CEP97: variants seen among roughly 807,000 people sequenced by gnomAD.
The protein encoded by CEP97 is centrosomal protein 97, also known as centrosomal protein of 97 kDa.
In CEP97, 43 loss-of-function variants were observed where a neutral mutation model predicts 73.1. That is an observed-to-expected ratio of 0.59 (90% CI 0.46 to 0.76). CEP97 has a LOEUF of 0.76. Among genes scored for constraint, CEP97 ranks in the 30% least tolerant of loss-of-function variants. The pLI is 0.00. For synonymous variants in CEP97, 337 were observed against 370.0 expected, an observed-to-expected ratio of 0.91 and a Z score of 1.02; for missense variants, 939 against 1,014.0, an observed-to-expected ratio of 0.93 and a Z score of 1.00.
chr3:101,731,762 A>G, intron 4 of CEP97, 78 bp from the exon 5 acceptor site: 1 of 748,644 alleles, frequency 1.3e-6, no homozygotes, highest in Non-Finnish European at 2.4e-6. Context: ...TCTTATATGT[A>G]CCATTTTGGT....
chr3:101,742,834 C>T (rs1012280958), intron 6 of CEP97, among the ~76,000 whole-genome samples: 17 of 150,408 alleles, frequency 1.1e-4, no homozygotes, highest in Non-Finnish European at 1.9e-4. Flanking sequence ...AAGTACAGAG[C>T]GAGACTCCAT....
rs1360381172 is a variant in CEP97, at chr3:101,766,141, G to C, written c.*590G>C. The C allele has an allele frequency of 2.0e-5, 3 of 152,070 alleles. No homozygotes were observed. Among genetic ancestry groups the C allele is most frequent in the African/African-American group, 7.2e-5 (3 of 41,384 alleles). 9.4% of individuals were successfully genotyped at this position (152,070 alleles called of 1,614,324 possible). On this transcript the variant is annotated 3_prime_UTR_variant, in exon 11 of 11. Coordinates refer to ENST00000341893, the MANE Select transcript of CEP97 (RefSeq NM_024548.4). ...GGTAGGATTATAAGATTTCTCAATG[G>C]GGATGATTAAATTGTCTCATGGAAA...
chr3:101,752,407 C>G (rs1476046377), intron 6 of CEP97, among the ~76,000 whole-genome samples: 1 of 151,984 alleles, frequency 6.6e-6, no homozygotes. Flanking sequence ...ATCTTTGTGG[C>G]GTTCTCTGTA....
chr3:101,756,497 G>A (rs754123815), intron 7 of CEP97, among the ~76,000 whole-genome samples: 11 of 151,370 alleles, frequency 7.3e-5, no homozygotes, highest in Admixed American at 2.0e-4. Context: ...CCTTCAGTCC[G>A]TGCCTGTAGC....
In CEP97 at chr3:101,732,665, G is replaced by A. The variant is rs554011550; in HGVS notation, c.728+11G>A. On this transcript the variant is annotated intron_variant, in intron 6 of 10. Coordinates refer to ENST00000341893, the MANE Select transcript of CEP97 (RefSeq NM_024548.4). ...TTCTCAGAAGGAAAGGTAAACATGT[G>A]CTCTTTAACATCACAAATGTTACTG... The A allele has an allele frequency of 6.3e-7, 1 of 1,591,900 alleles. No homozygotes were observed. Among genetic ancestry groups the A allele is most frequent in the Admixed American group, 1.7e-5 (1 of 58,082 alleles).
At chr3:101,731,502 C>T (rs1938110889) in intron 4 of CEP97, among the ~76,000 whole-genome samples, 2 of 152,018 alleles carry the variant, frequency 1.3e-5, no homozygotes, top group African/African-American at 4.8e-5. Flanking sequence ...CACATGGCCT[C>T]TATTTTGATA....
At chr3:101,736,090 C>A (rs561349095) in intron 6 of CEP97, among the ~76,000 whole-genome samples, 1 of 152,242 alleles carries the variant, frequency 6.6e-6, no homozygotes, top group Non-Finnish European at 1.5e-5. Flanking sequence ...CAAGTTCAAA[C>A]TGGGCAGAGC....
At chr3:101,737,399 G>A (rs930666519) in intron 6 of CEP97, among the ~76,000 whole-genome samples, 5 of 152,040 alleles carry the variant, frequency 3.3e-5, no homozygotes, top group Non-Finnish European at 7.4e-5. Context: ...TGCCAGATTC[G>A]CCAAAGTTGA....
Position 101,727,551 on chromosome 3 carries a change from TTC to T in CEP97, c.345+12_345+13del. 1 of 1,585,766 alleles carries T rather than the reference TTC, an allele frequency of 6.3e-7. No homozygotes were observed. Among genetic ancestry groups the T allele is most frequent in the Non-Finnish European group, 8.6e-7 (1 of 1,167,726 alleles). ...AGGAAATAATCTTAAGGTGAATGGT[TTC>T]TTTTTTGTTTACAAAACTATTCTGC... On this transcript the variant is annotated intron_variant, in intron 3 of 10. Coordinates refer to ENST00000341893, the MANE Select transcript of CEP97 (RefSeq NM_024548.4).
chr3:101,756,570 G>A (rs763093605), intron 7 of CEP97, among the ~76,000 whole-genome samples: 73 of 150,316 alleles, frequency 4.9e-4, no homozygotes, highest in African/African-American at 1.8e-3. Context: ...TAGAGATGGG[G>A]TTTCATCATG....
chr3:101,738,011 C>CAAAAAAAA (rs770745532), intron 6 of CEP97, among the ~76,000 whole-genome samples: 4 of 44,216 alleles, frequency 9.0e-5, no homozygotes, highest in Admixed American at 3.2e-4. Context: ...AAATGGAAAG[C>CAAAAAAAA]AAAAAAAAAA....
chr3:101,758,725 A>G, intron 9 of CEP97: 1 of 274,888 alleles, frequency 3.6e-6, no homozygotes, highest in Non-Finnish European at 6.9e-6. Flanking sequence ...TACAGAAAAC[A>G]TTGAAAAACC....
At chr3:101,749,204 C>G (rs560891062) in intron 6 of CEP97, among the ~76,000 whole-genome samples, 30 of 143,422 alleles carry the variant, frequency 2.1e-4, no homozygotes, top group African/African-American at 7.8e-4. Context: ...TCCATGTGTT[C>G]TCATTGTTCA....
Position 101,757,176 on chromosome 3 carries a change from G to A in CEP97, c.1007G>A (p.Cys336Tyr), listed in dbSNP as rs1398670315. 6.2e-7 allele frequency: 1 copy of A among 1,606,616 alleles called. No homozygotes were observed. Among genetic ancestry groups the A allele is most frequent in the Non-Finnish European group, 8.5e-7 (1 of 1,177,978 alleles). The change falls in exon 8 of 11, where the codon TGC becomes TAC. Residue 336 changes from cysteine (C) to tyrosine (Y), a missense_variant. Coordinates refer to ENST00000341893, the MANE Select transcript of CEP97 (RefSeq NM_024548.4). ...IPEHSSPVQD[C>Y]QISQESEPVI... ...GAGCATTCAAGCCCTGTTCAAGATT[G>A]CCAGATATCCCAGGAAAGTGGTAAG...
intron 6 of CEP97, among the ~76,000 whole-genome samples, chr3:101,751,993 G>C (rs1938842217): frequency 6.6e-6 from 1 of 152,032 alleles, no homozygotes; most frequent in African/African-American, 2.4e-5. Flanking sequence ...AGCCTTGATG[G>C]TCTTTACAAT....
At chr3:101,744,311 C>T (rs1344433105) in intron 6 of CEP97, among the ~76,000 whole-genome samples, 2 of 151,796 alleles carry the variant, frequency 1.3e-5, no homozygotes, top group African/African-American at 2.4e-5. Context: ...AGGGTCAGCA[C>T]ATTGGTTCAT....
chr3:101,758,147 AC>A lies in CEP97; in HGVS notation c.1542del (p.Asp514GlufsTer2). 1 of 1,614,002 alleles carries A rather than the reference AC, an allele frequency of 6.2e-7. No individual in the cohort carries two copies. Among genetic ancestry groups the A allele is most frequent in the Non-Finnish European group, 8.5e-7 (1 of 1,180,010 alleles). ...FPESTEQKQSDIKKPENTQPE... is the reference protein window; with the variant it reads ...FPESTEQKQSXIKKPENTQPE... ...GAGTCAACTGAGCAGAAACAATCAG[AC>A]ATAAAGAAACCAGAAAATACACAAC... is the stretch of plus-strand genomic sequence containing the variant. On this transcript the variant is annotated frameshift_variant, in exon 9 of 11. Transcript: ENST00000341893. LOFTEE classifies it high-confidence loss of function.
chr3:101,758,684 A>T, intron 9 of CEP97: 2 of 413,846 alleles, frequency 4.8e-6, no homozygotes, highest in Non-Finnish European at 4.3e-6. Flanking sequence ...CGTGAGCTTT[A>T]TAGGGATCTA....
chr3:101,765,305 T>C lies in CEP97; in HGVS notation c.2352T>C (p.Asp784=), dbSNP rs1560023580. 2 of 1,614,034 alleles carry C rather than the reference T, an allele frequency of 1.2e-6. No individual in the cohort carries two copies. The highest frequency in any genetic ancestry group is 1.7e-6 in the Non-Finnish European group (2 of 1,180,024). ...QYLTSVQQLE[D]ADERTNFDTE... ...TAACTTCAGTTCAACAGCTGGAAGATGCTGATGAGAGGACCAATTTTGATA... is the reference window on the plus strand; with the variant it reads ...TAACTTCAGTTCAACAGCTGGAAGACGCTGATGAGAGGACCAATTTTGATA... Residue 784 remains aspartate, a synonymous_variant, in exon 11 of 11, where the codon GAT becomes GAC. Coordinates refer to ENST00000341893, the MANE Select transcript of CEP97 (RefSeq NM_024548.4).
Sources: allele counts gnomAD v4.1 joint callset (sites outside exome capture counted in the v4.1 genomes callset), GRCh38; gene constraint gnomAD v4.1.1; transcripts MANE v1.5; gene names NCBI Gene and HGNC (gene_info 2026-07-23, HGNC 2026-07-21).